The following ACTR1B variants were observed in gnomAD, a reference collection of about 807,000 sequenced individuals.
The protein encoded by ACTR1B is actin related protein 1B.
A neutral mutation model predicts 49.4 loss-of-function variants in ACTR1B; 34 were observed. That is an observed-to-expected ratio of 0.69 (90% CI 0.52 to 0.92). The LOEUF (loss-of-function observed/expected upper bound fraction) is 0.92, where lower values mean the gene tolerates loss of function less well. Ranked by LOEUF, ACTR1B falls within the 40% of genes least tolerant of loss-of-function variation. The pLI is 0.00. For synonymous variants in ACTR1B, 207 were observed against 207.8 expected (o/e 1.00, Z 0.03); for missense variants, 471 against 522.4 (o/e 0.90, Z 0.96).
rs1175637834 is a variant in ACTR1B at position 97,656,889 on chromosome 2, C to A, written c.1100G>T (p.Gly367Val). The change falls in exon 11 of 11, where the codon GGC becomes GTC. Residue 367 changes from glycine to valine, a missense_variant. Physicochemically the swap from Gly to Val is moderately radical, Grantham distance 109. Transcript: ENST00000289228. ...AGTTTTGCGATGAATAGCACGGGAG[C>A]CATCCTCTTCATACTCCTTTTTGGA... The part of the protein sequence containing the change: ...WVSKKEYEED[G>V]SRAIHRKTF 1.3e-6 allele frequency: 2 copies of A among 1,591,828 alleles called. No individual in the cohort carries two copies. The highest frequency in any genetic ancestry group is 1.7e-6 in the Non-Finnish European group (2 of 1,168,994).
Position 97,660,551 on chromosome 2 carries a change from G to A in ACTR1B, c.189+20C>T, listed in dbSNP as rs1674984292. The A allele has an allele frequency of 6.2e-7, 1 of 1,612,478 alleles. No individual in the cohort carries two copies. The highest frequency in any genetic ancestry group is 1.1e-5 in the South Asian group (1 of 91,064). On this transcript the variant is annotated intron_variant, in intron 3 of 10. Coordinates refer to ENST00000289228, the MANE Select transcript of ACTR1B (RefSeq NM_005735.4). Reference sequence around the variant, plus strand: ...ACTGAGGACCCCACCCCCAGGGAAAGGCAGGCTCCTCGGTGTTACCTCTGC... The same window carrying A: ...ACTGAGGACCCCACCCCCAGGGAAAAGCAGGCTCCTCGGTGTTACCTCTGC...
Position 97,656,829 on chromosome 2 carries a change from C to G in ACTR1B, c.*29G>C. The G allele has an allele frequency of 6.5e-7, 1 of 1,541,702 alleles. No individual in the cohort carries two copies. On this transcript the variant is annotated 3_prime_UTR_variant, in exon 11 of 11. Transcript: ENST00000289228. ...GGCTCTGTCTCCCCTCCCTCCCCCT[C>G]TCCCAACATGCCCCGCCCTCCTTGG...
chr2:97,657,827 T>TTCA, intron 8 of ACTR1B, 116 bp downstream of exon 8: 1 of 1,294,800 alleles, frequency 7.7e-7, no homozygotes, highest in South Asian at 1.4e-5. Context: ...AAAAAAAATG[T>TTCA]TCATTGAGCA....
rs763287500 is a variant in ACTR1B, at chr2:97,658,248, C to T, written c.726G>A (p.Thr242=). 26 of 1,614,072 alleles carry T rather than the reference C, an allele frequency of 1.6e-5. No homozygotes were observed. The highest frequency in any genetic ancestry group is 3.3e-4 in the Middle Eastern group (2 of 6,084). The change falls in exon 7 of 11, where the codon ACG becomes ACA. Residue 242 remains threonine (T), a synonymous_variant. Transcript: ENST00000289228. The surrounding 1 kb of genome is among the most constrained non-coding windows in gnomAD (Gnocchi z 5.9). ...EALETEKVQY[T]LPDGSTLDVG... ...CATCAAGCGTGCTGCCGTCTGGCAA[C>T]GTGTACTGCACCTTCTCCGTCTCCA...
intron 2 of ACTR1B, among the ~76,000 whole-genome samples, chr2:97,661,449 G>A (rs1037392471): frequency 1.3e-5 from 2 of 152,228 alleles, no homozygotes; most frequent in Non-Finnish European, 1.5e-5. Flanking sequence ...ACAGGGCAAA[G>A]GATCCCCTCT....
rs1462867244 is a variant in ACTR1B, at chr2:97,656,621, G to A, written c.*237C>T. The stretch of plus-strand genomic sequence containing the variant: ...GGGGATACCCACAACAGCCTGACAT[G>A]GCGCTCAATTCCCACACGCCAGCTC... On this transcript the variant is annotated 3_prime_UTR_variant, in exon 11 of 11. Transcript: ENST00000289228. 3.9e-6 allele frequency: 2 copies of A among 507,740 alleles called. No homozygotes were observed. Among genetic ancestry groups the A allele is most frequent in the Non-Finnish European group, 7.1e-6 (2 of 282,514 alleles). The allele number at this position is 507,740 out of a possible 1,614,324, so 31.5% of individuals were successfully genotyped here. A position where few individuals can be genotyped will look rare whatever the true frequency, so the allele number is the denominator to read the frequency against.
At position 97,659,673 on chromosome 2, in the gene ACTR1B, A is replaced by C. The variant is rs952783307; in HGVS notation, c.190-196T>G. 2.8e-6 allele frequency: 2 copies of C among 706,618 alleles called. No homozygotes were observed. The highest frequency in any genetic ancestry group is 5.5e-5 in the East Asian group (2 of 36,606). 43.8% of individuals were successfully genotyped at this position (706,618 alleles called of 1,614,324 possible). A position where few individuals can be genotyped will look rare whatever the true frequency, so the allele number is the denominator to read the frequency against. On this transcript the variant is annotated intron_variant, in intron 3 of 10. Coordinates refer to ENST00000289228, the MANE Select transcript of ACTR1B (RefSeq NM_005735.4). The surrounding 1 kb of genome is among the most constrained non-coding windows in gnomAD (Gnocchi z 4.0). ...GGGCTCACCTGCCCACCAGCTTCTT[A>C]GGCTCTTAGAGCCCAGCTAGCTTCA... is the stretch of plus-strand genomic sequence containing the variant.
Position 97,659,688 on chromosome 2 carries a change from A to T in ACTR1B, c.190-211T>A, listed in dbSNP as rs1674960666. On this transcript the variant is annotated intron_variant, in intron 3 of 10. Coordinates refer to ENST00000289228, the MANE Select transcript of ACTR1B (RefSeq NM_005735.4). The surrounding 1 kb of genome is among the most constrained non-coding windows in gnomAD (Gnocchi z 4.0). ...CCAGCTTCTTAGGCTCTTAGAGCCC[A>T]GCTAGCTTCAGCTGGGGGGATCAGA... 1 of 631,114 alleles carries T rather than the reference A, an allele frequency of 1.6e-6. No individual in the cohort carries two copies. The highest frequency in any genetic ancestry group is 1.9e-5 in the African/African-American group (1 of 53,974). The allele number at this position is 631,114 out of a possible 1,614,324, so 39.1% of individuals were successfully genotyped here. A position where few individuals can be genotyped will look rare whatever the true frequency, so the allele number is the denominator to read the frequency against.
At chr2:97,661,790 C>CA in intron 2 of ACTR1B, 92 bp downstream of exon 2, 1 of 1,347,722 alleles carries the variant, frequency 7.4e-7, no homozygotes, top group South Asian at 1.3e-5. Context: ...GGTCAGGGCA[C>CA]AAATTGTCTT....
In ACTR1B at chr2:97,663,552, C is replaced by T. The variant is rs187080155; in HGVS notation, c.48+291G>A. Among the ~76,000 whole-genome samples the T allele has an allele frequency of 7.7e-3, 1,170 of 152,264 alleles. 8 individuals carry two copies. Among genetic ancestry groups the T allele is most frequent in the Non-Finnish European group, 0.013 (876 of 67,986 alleles). On this transcript the variant is annotated intron_variant, in intron 1 of 10. Coordinates refer to ENST00000289228, the MANE Select transcript of ACTR1B (RefSeq NM_005735.4). ...TCTCAACTGAGAAGAGTCCGGGGCG[C>T]GTCCCCGCCCGGCCGCCCGGCTGTC...
At chr2:97,660,175 T>A (rs903512976) in intron 3 of ACTR1B, among the ~76,000 whole-genome samples, 1 of 152,168 alleles carries the variant, frequency 6.6e-6, no homozygotes, top group African/African-American at 2.4e-5. Flanking sequence ...AGCTTGCTGC[T>A]CTCCCCACAC....
Position 97,656,800 on chromosome 2 carries a change from T to G in ACTR1B, c.*58A>C. Reference sequence around the variant, plus strand: ...TATACGAGCCAAGACCAAAAAGGGTTAAAGGCTCTGTCTCCCCTCCCTCCC... The same window carrying G: ...TATACGAGCCAAGACCAAAAAGGGTGAAAGGCTCTGTCTCCCCTCCCTCCC... On this transcript the variant is annotated 3_prime_UTR_variant, in exon 11 of 11. Transcript: ENST00000289228. The G allele has an allele frequency of 6.9e-7, 1 of 1,446,090 alleles. No individual in the cohort carries two copies. The highest frequency in any genetic ancestry group is 9.5e-7 in the Non-Finnish European group (1 of 1,051,304). 89.6% of individuals were successfully genotyped at this position (1,446,090 alleles called of 1,614,324 possible).
chr2:97,663,364 T>G (rs1675078240), intron 1 of ACTR1B, among the ~76,000 whole-genome samples: 1 of 152,218 alleles, frequency 6.6e-6, no homozygotes, highest in South Asian at 2.1e-4. Flanking sequence ...GGTGGACATG[T>G]GGGTGACAGA....
In ACTR1B at chr2:97,658,312, G is replaced by A. The variant is rs1276575768; in HGVS notation, c.662C>T (p.Ala221Val). The change falls in exon 7 of 11, where the codon GCG (alanine) becomes GTG (valine). Residue 221 changes from alanine to valine, a missense_variant. Coordinates refer to ENST00000289228, the MANE Select transcript of ACTR1B (RefSeq NM_005735.4). The surrounding 1 kb of genome is among the most constrained non-coding windows in gnomAD (Gnocchi z 5.9). ...FEVVRTIKER[A>V]CYLSINPQKD... ...CTGTGGGTTGATGGACAGGTAGCAC[G>A]CTCGCTGCGGGGACAGGGACACAGC... 1.2e-5 allele frequency: 20 copies of A among 1,614,052 alleles called. No individual in the cohort carries two copies. The highest frequency in any genetic ancestry group is 5.5e-5 in the South Asian group (5 of 91,088).
In ACTR1B at chr2:97,658,469, G is replaced by T; in HGVS notation, c.615C>A (p.Phe205Leu). ...CAACCTCAAACTCAGCCGAGGTATG[G>T]AAGTCAACCCCTTCCTTGCGCAGCA... ...RLLLRKEGVD[F>L]HTSAEFEVVR... Residue 205 changes from phenylalanine (F) to leucine (L), a missense_variant, in exon 6 of 11, where the codon TTC becomes TTA. Phe to Leu is a conservative substitution (Grantham distance 22, BLOSUM62 0). Coordinates refer to ENST00000289228, the MANE Select transcript of ACTR1B (RefSeq NM_005735.4). This position sits in a 1 kb window ranked among gnomAD's most constrained non-coding sequence, Gnocchi z 5.9. The T allele has an allele frequency of 3.7e-6, 6 of 1,614,156 alleles. No homozygotes were observed. The South Asian group carries it at 5.5e-5, about 15-fold the overall frequency.
At position 97,657,138 on chromosome 2, in the gene ACTR1B, G is replaced by T; in HGVS notation, c.1028+14C>A. Reference sequence around the variant, plus strand: ...TGGTCTCCTCCCAGAGCCCTCCCTTGAGCCCCGCCTCACCCAATCCATGTG... The same window carrying T: ...TGGTCTCCTCCCAGAGCCCTCCCTTTAGCCCCGCCTCACCCAATCCATGTG... On this transcript the variant is annotated intron_variant, in intron 10 of 10. Coordinates refer to ENST00000289228, the MANE Select transcript of ACTR1B (RefSeq NM_005735.4). The T allele has an allele frequency of 6.2e-7, 1 of 1,612,182 alleles. No homozygotes were observed. Among genetic ancestry groups the T allele is most frequent in the Non-Finnish European group, 8.5e-7 (1 of 1,178,918 alleles).
rs908682682 is a variant in ACTR1B at position 97,659,090 on chromosome 2, C to T, written c.316-87G>A. ...CTTTCCAGAGAACCACACCCGCTGG[C>T]GCACAGGCAGCTCAGCCTCCTACCC... On this transcript the variant is annotated intron_variant, in intron 4 of 10. Transcript: ENST00000289228. This position sits in a 1 kb window ranked among gnomAD's most constrained non-coding sequence, Gnocchi z 4.0. The T allele has an allele frequency of 3.0e-5, 48 of 1,589,540 alleles. 1 individual carries two copies. In the African/African-American group the frequency reaches 5.1e-4, roughly 17 times the overall value.
rs1674965942 is a variant in ACTR1B at position 97,659,893 on chromosome 2, C to T, written c.190-416G>A. 3.8e-6 allele frequency: 1 copy of T among 265,942 alleles called. No individual in the cohort carries two copies. Among genetic ancestry groups the T allele is most frequent in the African/African-American group, 2.2e-5 (1 of 44,970 alleles). The allele number at this position is 265,942 out of a possible 1,614,324, so 16.5% of individuals were successfully genotyped here. A position where few individuals can be genotyped will look rare whatever the true frequency, so the allele number is the denominator to read the frequency against. Reference sequence around the variant, plus strand: ...TGCCCCCTGACCTACGCCTCTCCCCCCAGCCCTTTGGCCGGTCCTCACCAG... The same window carrying T: ...TGCCCCCTGACCTACGCCTCTCCCCTCAGCCCTTTGGCCGGTCCTCACCAG... On this transcript the variant is annotated intron_variant, in intron 3 of 10. Coordinates refer to ENST00000289228, the MANE Select transcript of ACTR1B (RefSeq NM_005735.4). The surrounding 1 kb of genome is among the most constrained non-coding windows in gnomAD (Gnocchi z 4.0).
chr2:97,663,935 C>T lies in ACTR1B; in HGVS notation c.-45G>A, dbSNP rs1200033160. The stretch of plus-strand genomic sequence containing the variant: ...TGCCCAGCAGGCGGGCTGCAGGAGG[C>T]ACCGGATGGGCGGGCGGGCGGGAGG... On this transcript the variant is annotated 5_prime_UTR_variant, in exon 1 of 11. Coordinates refer to ENST00000289228, the MANE Select transcript of ACTR1B (RefSeq NM_005735.4). 3.7e-6 allele frequency: 4 copies of T among 1,091,270 alleles called. No homozygotes were observed. The highest frequency in any genetic ancestry group is 1.2e-6 in the Non-Finnish European group (1 of 840,796). The allele number at this position is 1,091,270 out of a possible 1,614,324, so 67.6% of individuals were successfully genotyped here.
Sources: gnomAD v4.1 joint callset for allele counts (sites outside exome capture counted in the v4.1 genomes callset) on GRCh38, gnomAD v4.1.1 for gene constraint, Gnocchi (gnomAD v3.1) non-coding constraint, MANE v1.5 for transcripts, NCBI Gene and HGNC (gene_info 2026-07-23, HGNC 2026-07-21) for gene names.